PCBP3: variants seen among roughly 807,000 people sequenced by gnomAD.
PCBP3 encodes poly(rC)-binding protein 3.
A neutral mutation model predicts 52.7 loss-of-function variants in PCBP3; 25 were observed. The ratio of observed to expected loss-of-function variants is 0.47; its 90% confidence interval spans 0.35 to 0.66. The LOEUF is 0.66. Ranked by LOEUF, PCBP3 falls within the 30% of genes least tolerant of loss-of-function variation. PCBP3 has a pLI of 0.01. For synonymous variants in PCBP3, 162 were observed against 183.0 expected, an observed-to-expected ratio of 0.89 and a Z score of 0.93; for missense variants, 391 against 490.3, an observed-to-expected ratio of 0.80 and a Z score of 1.91.
At position 45,817,645 on chromosome 21, in the gene PCBP3, C is replaced by T. The variant is rs1004277830; in HGVS notation, c.-125-32316C>T. Among the ~76,000 whole-genome samples the T allele has an allele frequency of 6.6e-5, 10 of 152,004 alleles. No individual in the cohort carries two copies. Among genetic ancestry groups the T allele is most frequent in the African/African-American group, 2.4e-4 (10 of 41,240 alleles). On this transcript the variant is annotated intron_variant, in intron 4 of 17. Coordinates refer to ENST00000681687, the MANE Select transcript of PCBP3 (RefSeq NM_001384156.1). The surrounding 1 kb of genome is among the most constrained non-coding windows in gnomAD (Gnocchi z 4.3). ...CAGCTAGAAAGCAGCCGGCGAGGAG[C>T]TCAGCGTGTGTCTCCGCCGGGTGAA...
chr21:45,647,397 A>T (rs1603067569), intron 1 of PCBP3, among the ~76,000 whole-genome samples: 2 of 152,324 alleles, frequency 1.3e-5, no homozygotes, highest in Middle Eastern at 6.8e-3. Flanking sequence ...CGGATTGAGG[A>T]AGGAACATGT....
intron 2 of PCBP3, among the ~76,000 whole-genome samples, chr21:45,694,198 C>A (rs1250758745): frequency 2.0e-5 from 3 of 151,966 alleles, no homozygotes; most frequent in African/African-American, 7.2e-5. Flanking sequence ...AAACAACAAC[C>A]AACCAAATAG....
chr21:45,876,568 G>A (rs962565581), intron 5 of PCBP3, among the ~76,000 whole-genome samples: 7 of 152,182 alleles, frequency 4.6e-5, no homozygotes, highest in Admixed American at 2.6e-4. Flanking sequence ...TCCGAATGCC[G>A]CCTGTGACAG....
chr21:45,734,521 G>A (rs1042149133), intron 2 of PCBP3, among the ~76,000 whole-genome samples: 73 of 152,248 alleles, frequency 4.8e-4, no homozygotes, highest in Middle Eastern at 3.4e-3. Context: ...CCAGCCCACC[G>A]ACTTCCAGAG....
chr21:45,888,258 C>T (rs1364798997), intron 5 of PCBP3, among the ~76,000 whole-genome samples: 2 of 152,184 alleles, frequency 1.3e-5, no homozygotes, highest in Admixed American at 6.5e-5. Flanking sequence ...AGGCACCTTG[C>T]TTACCTGTTT....
intron 1 of PCBP3, among the ~76,000 whole-genome samples, chr21:45,661,488 A>G (rs2080387085): frequency 6.6e-6 from 1 of 152,096 alleles, no homozygotes; most frequent in Non-Finnish European, 1.5e-5. Flanking sequence ...ACATGATTTC[A>G]TTTTTTTATG....
intron 2 of PCBP3, among the ~76,000 whole-genome samples, chr21:45,696,041 T>C (rs2082745369): frequency 8.0e-6 from 1 of 124,664 alleles, no homozygotes; most frequent in Non-Finnish European, 1.6e-5. Context: ...ATCGCGCCAC[T>C]GCACTCCAGC....
intron 4 of PCBP3, among the ~76,000 whole-genome samples, chr21:45,840,292 A>G (rs2093672294): frequency 2.0e-5 from 3 of 151,424 alleles, no homozygotes; most frequent in Admixed American, 2.0e-4. Flanking sequence ...CTCTACTAAA[A>G]AAAAATTTTA....
At chr21:45,840,643 T>G (rs780674437) in intron 4 of PCBP3, among the ~76,000 whole-genome samples, 9 of 152,298 alleles carry the variant, frequency 5.9e-5, no homozygotes, top group Non-Finnish European at 1.0e-4. Context: ...TCCAGTCCTG[T>G]GAGCTCCATT....
At chr21:45,759,886 A>C (rs992405339) in intron 4 of PCBP3, 3 of 152,208 alleles carry the variant, frequency 2.0e-5, no homozygotes, top group African/African-American at 7.2e-5. Flanking sequence ...AACAGAGAGA[A>C]AAGACATTGC....
chr21:45,793,216 A>G (rs549380548), intron 4 of PCBP3, among the ~76,000 whole-genome samples: 1 of 152,254 alleles, frequency 6.6e-6, no homozygotes, highest in African/African-American at 2.4e-5. Flanking sequence ...TGAAGAGTAG[A>G]CGGTCAAAGT....
chr21:45,737,555 G>A lies in PCBP3; in HGVS notation c.-162+2126G>A, dbSNP rs557034564. 3.3e-5 allele frequency among the ~76,000 whole-genome samples: 5 copies of A among 152,298 alleles called. No individual in the cohort carries two copies. In the East Asian group the frequency reaches 9.7e-4, roughly 29 times the overall value. On this transcript the variant is annotated intron_variant, in intron 3 of 17. Coordinates refer to ENST00000681687, the MANE Select transcript of PCBP3 (RefSeq NM_001384156.1). The surrounding 1 kb of genome is among the most constrained non-coding windows in gnomAD (Gnocchi z 4.9). ...TTCTGGAAATAAACCAGCGTGCTGGGGTGGGGCGAGCCCGACCATGCAAGC... is the reference window on the plus strand; with the variant it reads ...TTCTGGAAATAAACCAGCGTGCTGGAGTGGGGCGAGCCCGACCATGCAAGC...
intron 4 of PCBP3, among the ~76,000 whole-genome samples, chr21:45,779,288 T>C (rs9977309): frequency 0.19 from 29,605 of 152,066 alleles, 3,127 homozygotes; most frequent in Middle Eastern, 0.33. Context: ...TCAGGGCTGG[T>C]GAGGGTTGAG....
intron 2 of PCBP3, among the ~76,000 whole-genome samples, chr21:45,707,193 T>C (rs1226701134): frequency 6.6e-6 from 1 of 152,194 alleles, no homozygotes; most frequent in African/African-American, 2.4e-5. Flanking sequence ...TCTGAAACTT[T>C]AGCGTGCACG....
intron 5 of PCBP3, among the ~76,000 whole-genome samples, chr21:45,889,275 G>A (rs550492853): frequency 9.4e-4 from 143 of 152,292 alleles, no homozygotes; most frequent in African/African-American, 3.0e-3. Flanking sequence ...AGCTGCATGC[G>A]GGCCAGCAGC....
intron 4 of PCBP3, among the ~76,000 whole-genome samples, chr21:45,789,514 G>C (rs576546346): frequency 1.1e-4 from 16 of 152,220 alleles, no homozygotes; most frequent in Non-Finnish European, 1.6e-4. Context: ...TATTAAGAAG[G>C]TGATGTTAAA....
intron 4 of PCBP3, among the ~76,000 whole-genome samples, chr21:45,798,805 C>T (rs563697915): frequency 9.1e-5 from 13 of 142,130 alleles, no homozygotes; most frequent in Non-Finnish European, 1.7e-4. Context: ...AGAGTGAATG[C>T]GTACATGGAT....
At chr21:45,811,536 C>G (rs1238766295) in intron 4 of PCBP3, among the ~76,000 whole-genome samples, 1 of 152,276 alleles carries the variant, frequency 6.6e-6, no homozygotes, top group African/African-American at 2.4e-5. Flanking sequence ...TGCACAGTCC[C>G]TTTGCCACAG....
intron 13 of PCBP3, among the ~76,000 whole-genome samples, chr21:45,919,877 G>T (rs2074186256): frequency 6.6e-6 from 1 of 152,244 alleles, no homozygotes; most frequent in Admixed American, 6.5e-5. Flanking sequence ...GTGTGGCAGG[G>T]GTGTGGGGGG....
Sources: gnomAD v4.1 joint callset for allele counts (sites outside exome capture counted in the v4.1 genomes callset) on GRCh38, gnomAD v4.1.1 for gene constraint, Gnocchi (gnomAD v3.1) non-coding constraint, MANE v1.5 for transcripts, NCBI Gene and HGNC (gene_info 2026-07-23, HGNC 2026-07-21) for gene names.